PRKG1: variants seen among roughly 807,000 people sequenced by gnomAD.
PRKG1 encodes the protein cGMP-dependent protein kinase 1.
A neutral mutation model predicts 88.1 loss-of-function variants in PRKG1; 35 were observed. That is an observed-to-expected ratio of 0.40 (90% CI 0.30 to 0.53). The LOEUF is 0.53. PRKG1 is among the 20% of genes least tolerant of loss of function. PRKG1 has a pLI of 0.59. For synonymous variants in PRKG1, 303 were observed against 292.5 expected, an observed-to-expected ratio of 1.04 and a Z score of -0.37; for missense variants, 540 against 839.8, an observed-to-expected ratio of 0.64 and a Z score of 4.41.
chr10:51,170,213 C>A (rs1364243782), intron 2 of PRKG1, among the ~76,000 whole-genome samples: 1 of 151,748 alleles, frequency 6.6e-6, no homozygotes, highest in Non-Finnish European at 1.5e-5. Context: ...AGACAGAATA[C>A]GAAGTTTCTA....
chr10:51,517,472 C>T (rs955846908), intron 3 of PRKG1, among the ~76,000 whole-genome samples: 2 of 152,086 alleles, frequency 1.3e-5, no homozygotes, highest in East Asian at 1.9e-4. Flanking sequence ...CTGGGGATTG[C>T]GGGACAGCAG....
At chr10:52,081,012 T>C (rs1846759343) in intron 7 of PRKG1, among the ~76,000 whole-genome samples, 1 of 152,034 alleles carries the variant, frequency 6.6e-6, no homozygotes, top group Admixed American at 6.6e-5. Flanking sequence ...GCTCAACTTC[T>C]CCCTGTGTTC....
At chr10:51,551,025 A>G (rs944549188) in intron 3 of PRKG1, among the ~76,000 whole-genome samples, 1 of 151,936 alleles carries the variant, frequency 6.6e-6, no homozygotes, top group Non-Finnish European at 1.5e-5. Flanking sequence ...TAAAAATAGT[A>G]CCATGATATA....
At chr10:52,259,106 A>G (rs1212983830) in intron 10 of PRKG1, among the ~76,000 whole-genome samples, 1 of 149,966 alleles carries the variant, frequency 6.7e-6, no homozygotes, top group Non-Finnish European at 1.5e-5. Context: ...TATTCTTTAA[A>G]AAGATTAGAC....
intron 3 of PRKG1, among the ~76,000 whole-genome samples, chr10:51,789,485 CCT>C (rs761961861): frequency 1.1e-4 from 16 of 152,090 alleles, no homozygotes; most frequent in Non-Finnish European, 2.2e-4. Flanking sequence ...GGCCACTCAG[CCT>C]CTGATTCCTT....
At chr10:51,019,405 T>C (rs2132732649) in intron 1 of PRKG1, among the ~76,000 whole-genome samples, 1 of 152,224 alleles carries the variant, frequency 6.6e-6, no homozygotes, top group East Asian at 1.9e-4. Context: ...AAGGACAATC[T>C]TTTCAAACAA....
intron 5 of PRKG1, among the ~76,000 whole-genome samples, chr10:51,943,139 T>G (rs1283955678): frequency 6.6e-6 from 1 of 152,026 alleles, no homozygotes; most frequent in African/African-American, 2.4e-5. Context: ...TGAGCAGTGG[T>G]TTGTAGTTAT....
intron 1 of PRKG1, among the ~76,000 whole-genome samples, chr10:51,059,622 CT>C: frequency 6.6e-6 from 1 of 152,162 alleles, no homozygotes; most frequent in East Asian, 1.9e-4. Context: ...TTATTAAATA[CT>C]TTTTCATAAT....
intron 5 of PRKG1, among the ~76,000 whole-genome samples, chr10:51,941,482 A>C (rs1381124298): frequency 6.6e-6 from 1 of 151,812 alleles, no homozygotes; most frequent in Admixed American, 6.6e-5. Context: ...TTTAAGTTTT[A>C]GGGTACATGT....
intron 3 of PRKG1, among the ~76,000 whole-genome samples, chr10:51,504,783 G>A (rs1183860986): frequency 1.3e-5 from 2 of 152,088 alleles, no homozygotes; most frequent in African/African-American, 4.8e-5. Context: ...GTCTGTTATT[G>A]ATGTATAAGA....
At chr10:51,954,554 A>G (rs1241767125) in intron 5 of PRKG1, among the ~76,000 whole-genome samples, 1 of 152,176 alleles carries the variant, frequency 6.6e-6, no homozygotes, top group Admixed American at 6.5e-5. Context: ...AATGCTTTGT[A>G]TTTGCATGTG....
In PRKG1 at chr10:51,141,184, C is replaced by A. The variant is rs182537529; in HGVS notation, c.312-11980C>A. Among the ~76,000 whole-genome samples the A allele has an allele frequency of 3.9e-5, 6 of 152,282 alleles. No homozygotes were observed. In the East Asian group the frequency reaches 9.6e-4, roughly 24 times the overall value. On this transcript the variant is annotated intron_variant, in intron 1 of 17. Transcript: ENST00000373980. ...CATCCACCTTTAACTAGCTGGAGGC[C>A]TTCACACAGAGTTACATCATGTGCC...
At chr10:51,894,704 T>G (rs1387279559) in intron 4 of PRKG1, among the ~76,000 whole-genome samples, 2 of 152,186 alleles carry the variant, frequency 1.3e-5, no homozygotes, top group Non-Finnish European at 2.9e-5. Flanking sequence ...TCTGCTGAAC[T>G]GAATTACATT....
At chr10:51,883,509 G>C (rs777643538) in intron 4 of PRKG1, among the ~76,000 whole-genome samples, 1 of 152,174 alleles carries the variant, frequency 6.6e-6, no homozygotes, top group Non-Finnish European at 1.5e-5. Flanking sequence ...CTTCATTGCA[G>C]TATTGAGGTA....
chr10:51,206,105 A>G (rs1318920878), intron 2 of PRKG1, among the ~76,000 whole-genome samples: 1 of 152,142 alleles, frequency 6.6e-6, no homozygotes, highest in East Asian at 1.9e-4. Context: ...CTTTTCTTGT[A>G]TTCGTTCTGG....
intron 4 of PRKG1, among the ~76,000 whole-genome samples, chr10:51,809,187 A>G (rs1589306655): frequency 1.3e-5 from 2 of 152,232 alleles, no homozygotes; most frequent in South Asian, 4.2e-4. Flanking sequence ...ATGCCACATC[A>G]AACTGTGATT....
At chr10:51,554,145 A>ATGTGTG (rs1837236832) in intron 3 of PRKG1, among the ~76,000 whole-genome samples, 1 of 145,722 alleles carries the variant, frequency 6.9e-6, no homozygotes, top group African/African-American at 2.5e-5. Context: ...TGCGTATGTG[A>ATGTGTG]TATGTGTATA....
intron 9 of PRKG1, among the ~76,000 whole-genome samples, chr10:52,228,759 T>G (rs759788713): frequency 6.6e-6 from 1 of 152,186 alleles, no homozygotes; most frequent in Non-Finnish European, 1.5e-5. Context: ...TGTGCCCATA[T>G]CTAGAGTACT....
intron 9 of PRKG1, among the ~76,000 whole-genome samples, chr10:52,188,578 A>G (rs1454982708): frequency 6.6e-6 from 1 of 151,920 alleles, no homozygotes; most frequent in Non-Finnish European, 1.5e-5. Context: ...ACCATAATGA[A>G]TGAATATAAA....
Sources: gnomAD v4.1 joint callset for allele counts (sites outside exome capture counted in the v4.1 genomes callset) on GRCh38, gnomAD v4.1.1 for gene constraint, MANE v1.5 for transcripts, NCBI Gene and HGNC (gene_info 2026-07-23, HGNC 2026-07-21) for gene names.